Variants in FAM20C observed in about 807,000 individuals in gnomAD.
FAM20C encodes the protein FAM20C golgi associated secretory pathway kinase.
In FAM20C, 40 loss-of-function variants were observed where a neutral mutation model predicts 51.5. The ratio of observed to expected loss-of-function variants is 0.78; its 90% confidence interval spans 0.60 to 1.01. The LOEUF (loss-of-function observed/expected upper bound fraction) is 1.01, where lower values mean the gene tolerates loss of function less well. Ranked by LOEUF, FAM20C falls within the 50% of genes least tolerant of loss-of-function variation. The pLI, the probability that FAM20C is intolerant of heterozygous loss-of-function variation, is 0.00. For synonymous variants in FAM20C, 406 were observed against 380.6 expected, an observed-to-expected ratio of 1.07 and a Z score of -0.78; for missense variants, 861 against 844.7, an observed-to-expected ratio of 1.02 and a Z score of -0.24.
intron 8 of FAM20C, chr7:257,521 G>A (rs1479956969): frequency 5.2e-6 from 1 of 191,448 alleles, no homozygotes; most frequent in Non-Finnish European, 1.1e-5. Flanking sequence ...ACCAGGGAGG[G>A]TGACCCCTAA....
intron 3 of FAM20C, among the ~76,000 whole-genome samples, chr7:213,996 G>T (rs1006990438): frequency 6.6e-6 from 1 of 152,174 alleles, no homozygotes; most frequent in Non-Finnish European, 1.5e-5. Context: ...TTGCCATTTT[G>T]TTCAGTTGGG....
chr7:211,331 C>T lies in FAM20C; in HGVS notation c.863+2355C>T, dbSNP rs139549353. ...CAGCCTCCTCCCAGCCTCCCCACAA[C>T]CTCCCGAAACCTCCCCCAGACCTCC... is the stretch of plus-strand genomic sequence containing the variant. On this transcript the variant is annotated intron_variant, in intron 3 of 9. Transcript: ENST00000313766. 9.7e-3 allele frequency among the ~76,000 whole-genome samples: 1,442 copies of T among 148,656 alleles called. 34 individuals carry two copies. The highest frequency in any genetic ancestry group is 0.035 in the African/African-American group (1,373 of 39,594).
chr7:206,046 C>T (rs145399816), intron 2 of FAM20C, among the ~76,000 whole-genome samples: 43 of 152,244 alleles, frequency 2.8e-4, no homozygotes, highest in Non-Finnish European at 5.1e-4. Context: ...CCTCAGCACA[C>T]GCGCGTGCCC....
At chr7:209,985 G>A (rs911365642) in intron 3 of FAM20C, among the ~76,000 whole-genome samples, 2 of 152,158 alleles carry the variant, frequency 1.3e-5, no homozygotes, top group African/African-American at 2.4e-5. Context: ...CAAGACCCAC[G>A]AGTCCTGCCT....
At chr7:206,629 C>T (rs1281790938) in intron 2 of FAM20C, among the ~76,000 whole-genome samples, 3 of 146,276 alleles carry the variant, frequency 2.1e-5, no homozygotes, top group African/African-American at 5.1e-5. Flanking sequence ...ATGGTCCCCT[C>T]GGCCCCGCAC....
chr7:244,560 C>T (rs537860393), intron 3 of FAM20C, among the ~76,000 whole-genome samples: 6 of 152,308 alleles, frequency 3.9e-5, no homozygotes, highest in East Asian at 3.9e-4. Flanking sequence ...CTCTGCAGGG[C>T]GACCCTGGCG....
chr7:208,631 C>T (rs1786557649), intron 2 of FAM20C, among the ~76,000 whole-genome samples: 1 of 151,524 alleles, frequency 6.6e-6, no homozygotes, highest in African/African-American at 2.4e-5. Flanking sequence ...CAGGTAAGCA[C>T]ACCTGGCCGT....
intron 3 of FAM20C, among the ~76,000 whole-genome samples, chr7:240,528 G>GTGGTGA (rs1349187883): frequency 4.6e-5 from 7 of 151,834 alleles, no homozygotes; most frequent in African/African-American, 1.7e-4. Context: ...GGAGGTGATG[G>GTGGTGA]TGGTGATGGT....
chr7:258,162 A>ACTGCCTGGGGTGCTGGAGATGGGTG (rs1788696532), intron 8 of FAM20C, among the ~76,000 whole-genome samples: 2 of 29,336 alleles, frequency 6.8e-5, no homozygotes, highest in African/African-American at 3.1e-4. Flanking sequence ...GGAGATAGGC[A>ACTGCCTGGGGTGCTGGAGATGGGTG]GGGTGGACCC....
chr7:195,671 A>G lies in FAM20C; in HGVS notation c.723A>G (p.Arg241=). Residue 241 remains arginine, a synonymous_variant, in exon 2 of 10, where the codon AGA becomes AGG. Transcript: ENST00000313766. ...TCAACCGGTACGAGCTGTACTCCAG[A>G]CACAACCCGGCCATCGAGGCCCTGC... ...IGINRYELYS[R]HNPAIEALLH... is the part of the protein sequence containing the mutation. 1 of 1,611,114 alleles carries G rather than the reference A, an allele frequency of 6.2e-7. No individual in the cohort carries two copies. The highest frequency in any genetic ancestry group is 8.5e-7 in the Non-Finnish European group (1 of 1,178,722).
At chr7:235,477 T>C (rs1414414155) in intron 3 of FAM20C, among the ~76,000 whole-genome samples, 2 of 152,166 alleles carry the variant, frequency 1.3e-5, no homozygotes, top group Admixed American at 6.5e-5. Flanking sequence ...CAGGTGAAGT[T>C]CTATTCCACC....
rs1013190485 is a variant in FAM20C, at chr7:242,154, G to A, written c.864-4261G>A. On this transcript the variant is annotated intron_variant, in intron 3 of 9. Coordinates refer to ENST00000313766, the MANE Select transcript of FAM20C (RefSeq NM_020223.4). The stretch of plus-strand genomic sequence containing the variant: ...TACTGAGACGTCCACATCACCACAC[G>A]GTGAGCTCCTGCAGTGTACCAGGCC... 2.6e-3 allele frequency among the ~76,000 whole-genome samples: 398 copies of A among 152,184 alleles called. 2 individuals carry two copies. Among genetic ancestry groups the A allele is most frequent in the Non-Finnish European group, 4.1e-3 (277 of 67,996 alleles).
At chr7:244,558 G>A (rs1240943698) in intron 3 of FAM20C, among the ~76,000 whole-genome samples, 3 of 152,338 alleles carry the variant, frequency 2.0e-5, no homozygotes, top group African/African-American at 7.2e-5. Flanking sequence ...GGCTCTGCAG[G>A]GCGACCCTGG....
At chr7:253,704 T>C (rs1788488279) in intron 5 of FAM20C, among the ~76,000 whole-genome samples, 1 of 135,912 alleles carries the variant, frequency 7.4e-6, no homozygotes, top group South Asian at 2.2e-4. Flanking sequence ...TTGCCTGAGG[T>C]CACACAGCTC....
intron 3 of FAM20C, among the ~76,000 whole-genome samples, chr7:212,457 C>T (rs1184833084): frequency 2.0e-5 from 3 of 151,838 alleles, no homozygotes; most frequent in Admixed American, 6.5e-5. Context: ...AACAAGACTC[C>T]GTCTCAAAAA....
chr7:230,640 C>G (rs988411043), intron 3 of FAM20C, among the ~76,000 whole-genome samples: 1 of 152,078 alleles, frequency 6.6e-6, no homozygotes, highest in Non-Finnish European at 1.5e-5. Flanking sequence ...AACGCCTGCC[C>G]CATAGAGCCT....
chr7:203,818 A>T (rs1786232847), intron 2 of FAM20C, among the ~76,000 whole-genome samples: 3 of 152,212 alleles, frequency 2.0e-5, no homozygotes, highest in African/African-American at 4.8e-5. Context: ...TTATTTTACA[A>T]ACCGGGATTA....
Position 193,031 on chromosome 7 carries a change from G to A in FAM20C, c.-169G>A, listed in dbSNP as rs1357210251. 3.0e-6 allele frequency: 1 copy of A among 338,728 alleles called. No homozygotes were observed. The highest frequency in any genetic ancestry group is 4.6e-6 in the Non-Finnish European group (1 of 215,810). The allele number at this position is 338,728 out of a possible 1,614,324, so 21.0% of individuals were successfully genotyped here. ...AGATGGCGCGGGGACCCAGCGCTCC[G>A]GCGGCGGGCGCCCTGCACGCGGCCC... is the stretch of plus-strand genomic sequence containing the variant. On this transcript the variant is annotated 5_prime_UTR_variant, in exon 1 of 10. Coordinates refer to ENST00000313766, the MANE Select transcript of FAM20C (RefSeq NM_020223.4).
rs1175155196 is a variant in FAM20C at position 259,774 on chromosome 7, G to A, written c.1549G>A (p.Glu517Lys). Residue 517 changes from glutamate (E) to lysine (K), a missense_variant, in exon 10 of 10, where the codon GAG becomes AAG. Glu to Lys is a moderately conservative substitution (Grantham distance 56). Around this residue, in one of 3 missense-constraint regions of FAM20C, gnomAD observed 269 missense variants for 283.8 expected, o/e 0.95. Coordinates refer to ENST00000313766, the MANE Select transcript of FAM20C (RefSeq NM_020223.4). ...TYLRLQLLAK[E>K]EYKLSLLMAE... ...CCTGCGTCTGCAGCTCCTGGCCAAG[G>A]AGGAGTACAAGCTGAGCCTGCTGAT... The A allele has an allele frequency of 2.0e-6, 3 of 1,536,646 alleles. No homozygotes were observed. Among genetic ancestry groups the A allele is most frequent in the East Asian group, 2.4e-5 (1 of 40,928 alleles).
Sources: allele counts gnomAD v4.1 joint callset (sites outside exome capture counted in the v4.1 genomes callset), GRCh38; gene constraint gnomAD v4.1.1; regional missense constraint gnomAD v4.1.1; transcripts MANE v1.5; gene names NCBI Gene and HGNC (gene_info 2026-07-23, HGNC 2026-07-21).